The following SMG5 variants were observed in gnomAD, a reference collection of about 807,000 sequenced individuals.
The protein encoded by SMG5 is SMG5 nonsense mediated mRNA decay factor.
A neutral mutation model predicts 122.9 loss-of-function variants in SMG5; 53 were observed. The observed-to-expected ratio is 0.43, with a 90% CI of 0.35 to 0.54. The LOEUF is 0.54. Ranked by LOEUF, SMG5 falls within the 20% of genes least tolerant of loss-of-function variation. SMG5 has a pLI of 0.01. For synonymous variants in SMG5, 477 were observed against 490.2 expected (o/e 0.97, Z 0.35); for missense variants, 1,153 against 1,285.6 (o/e 0.90, Z 1.58).
chr1:156,269,996 C>T (rs1662334833), intron 7 of SMG5, among the ~76,000 whole-genome samples: 2 of 152,194 alleles, frequency 1.3e-5, no homozygotes, highest in Admixed American at 6.5e-5. Flanking sequence ...GCCGAGATCG[C>T]GCCATTGCAC....
At position 156,261,371 on chromosome 1, in the gene SMG5, A is replaced by G; in HGVS notation, c.2069T>C (p.Leu690Pro). ...QSLWNRLSVL[L>P]NLLPAAGELQ... ...TTCACCAGCAGCAGGCAACAGATTC[A>G]GCAACACAGACAGGCGGTTCCACAG... Residue 690 changes from leucine to proline, a missense_variant, in exon 14 of 22, where the codon CTG becomes CCG. Leu to Pro is a moderately conservative substitution (Grantham distance 98). Around this residue, in one of 5 missense-constraint regions of SMG5, gnomAD observed 631 missense variants for 650.6 expected, o/e 0.97. Transcript: ENST00000361813. The G allele has an allele frequency of 6.2e-7, 1 of 1,614,206 alleles. No individual in the cohort carries two copies.
Position 156,252,889 on chromosome 1 carries a change from T to C in SMG5, c.2662+30A>G, listed in dbSNP as rs770112101. ...AGCCCAGAATCTCTTTTAGTCATAC[T>C]CTGTCTCCTTACCTCTCCAATGTAC... On this transcript the variant is annotated intron_variant, in intron 18 of 21. Transcript: ENST00000361813. 5.9e-6 allele frequency: 9 copies of C among 1,522,624 alleles called. No individual in the cohort carries two copies. In the South Asian group the frequency reaches 1.0e-4, roughly 17 times the overall value. 94.3% of individuals were successfully genotyped at this position (1,522,624 alleles called of 1,614,324 possible). A position where few individuals can be genotyped will look rare whatever the true frequency, so the allele number is the denominator to read the frequency against.
intron 15 of SMG5, among the ~76,000 whole-genome samples, chr1:156,259,957 T>C (rs1267978069): frequency 6.6e-6 from 1 of 152,202 alleles, no homozygotes; most frequent in Non-Finnish European, 1.5e-5. Flanking sequence ...GGTTTATGTA[T>C]GTCAGGACTG....
chr1:156,266,319 A>T lies in SMG5; in HGVS notation c.1317T>A (p.Pro439=). 6.2e-7 allele frequency: 1 copy of T among 1,614,184 alleles called. No individual in the cohort carries two copies. The highest frequency in any genetic ancestry group is 1.1e-5 in the South Asian group (1 of 91,080). ...KEEEPDPEPP[P]VTPQVGEGRK... is the part of the protein sequence containing the mutation. ...TGCCCTCACCCACTTGGGGTGTTACAGGAGGAGGCTCAGGATCTGGCTCCT... is the reference window on the plus strand; with the variant it reads ...TGCCCTCACCCACTTGGGGTGTTACTGGAGGAGGCTCAGGATCTGGCTCCT... Residue 439 remains proline, a synonymous_variant, in exon 12 of 22, where the codon CCT becomes CCA. Coordinates refer to ENST00000361813, the MANE Select transcript of SMG5 (RefSeq NM_015327.3).
chr1:156,286,702 G>C (rs573589114), upstream of SMG5, among the ~76,000 whole-genome samples: 204 of 152,354 alleles, frequency 1.3e-3, 9 homozygotes, highest in South Asian at 0.042. Flanking sequence ...AAGGCTTTCA[G>C]GTGTCATCTA....
chr1:156,260,764 G>A (rs781085660), intron 14 of SMG5, 138 bp from the exon 15 acceptor site: 298 of 715,014 alleles, frequency 4.2e-4, no homozygotes, highest in Non-Finnish European at 5.5e-4. Flanking sequence ...CGGAGAGATG[G>A]AGGGAGTGAA....
intron 1 of SMG5, among the ~76,000 whole-genome samples, 153 bp from the exon 2 acceptor site, chr1:156,279,187 C>G (rs1450302003): frequency 6.6e-6 from 1 of 152,136 alleles, no homozygotes; most frequent in Non-Finnish European, 1.5e-5. Context: ...ACAAGATGAA[C>G]ACAGTCTCCA....
chr1:156,291,410 G>GCCCA, the SMG5 span: 2 of 1,613,966 alleles, frequency 1.2e-6, no homozygotes, highest in South Asian at 2.2e-5. Flanking sequence ...GACCTTTGCC[G>GCCCA]TGGGCCGCTC....
At chr1:156,262,384 G>A (rs1661889601) in intron 13 of SMG5, among the ~76,000 whole-genome samples, 1 of 150,946 alleles carries the variant, frequency 6.6e-6, no homozygotes. Context: ...GCTGAGGTGG[G>A]AGAATGGTAT....
chr1:156,258,057 G>A (rs1025947606), intron 16 of SMG5, among the ~76,000 whole-genome samples: 2 of 152,212 alleles, frequency 1.3e-5, no homozygotes, highest in African/African-American at 4.8e-5. Context: ...GTCATGTCTG[G>A]CACAAAATGG....
At chr1:156,251,299 G>T in intron 20 of SMG5, 104 bp downstream of exon 20, 1 of 1,349,384 alleles carries the variant, frequency 7.4e-7, no homozygotes, top group Non-Finnish European at 1.1e-6. Context: ...CAGGCTACGT[G>T]TGGAGCCTCA....
At chr1:156,278,887 G>T in intron 2 of SMG5, 49 bp downstream of exon 2, 1 of 1,478,648 alleles carries the variant, frequency 6.8e-7, no homozygotes, top group Non-Finnish European at 9.5e-7. Flanking sequence ...TTCTGGTAGA[G>T]ATAGGCAGGG....
rs769972743 is a variant in SMG5 at position 156,249,634 on chromosome 1, G to A, written c.*953C>T. The A allele has an allele frequency of 2.4e-6, 1 of 414,228 alleles. No homozygotes were observed. Among genetic ancestry groups the A allele is most frequent in the South Asian group, 1.8e-5 (1 of 54,438 alleles). The allele number at this position is 414,228 out of a possible 1,614,324, so 25.7% of individuals were successfully genotyped here. A position where few individuals can be genotyped will look rare whatever the true frequency, so the allele number is the denominator to read the frequency against. On this transcript the variant is annotated 3_prime_UTR_variant, in exon 22 of 22. Coordinates refer to ENST00000361813, the MANE Select transcript of SMG5 (RefSeq NM_015327.3). The stretch of plus-strand genomic sequence containing the variant: ...TGCGGAAGGCAAAAGGAGGGACGGG[G>A]GCCTCTGACTGAGCAGCTTCAAGGA...
chr1:156,262,199 A>G (rs1294050622), intron 13 of SMG5, among the ~76,000 whole-genome samples: 3 of 152,132 alleles, frequency 2.0e-5, no homozygotes, highest in African/African-American at 7.2e-5. Flanking sequence ...TGAATGCTTC[A>G]TGAAAGAAGA....
intron 7 of SMG5, among the ~76,000 whole-genome samples, chr1:156,270,470 A>G (rs1284396295): frequency 6.6e-6 from 1 of 152,232 alleles, no homozygotes; most frequent in Non-Finnish European, 1.5e-5. Flanking sequence ...ACCAATGACT[A>G]ACCCTAAACA....
chr1:156,254,588 C>T lies in SMG5; in HGVS notation c.2443-1080G>A, dbSNP rs949772122. 2.6e-5 allele frequency among the ~76,000 whole-genome samples: 4 copies of T among 152,260 alleles called. No homozygotes were observed. The East Asian group carries it at 7.8e-4, about 30-fold the overall frequency. On this transcript the variant is annotated intron_variant, in intron 16 of 21. Transcript: ENST00000361813. ...CCCCCCAACTAGCTGGGACTACAGG[C>T]ACATGCCACCATGCCTGGCTAATTT...
Position 156,265,905 on chromosome 1 carries a change from A to C in SMG5, c.1731T>G (p.Thr577=), listed in dbSNP as rs1558238570. 6.2e-7 allele frequency: 1 copy of C among 1,614,204 alleles called. No individual in the cohort carries two copies. Among genetic ancestry groups the C allele is most frequent in the Non-Finnish European group, 8.5e-7 (1 of 1,180,034 alleles). Reference sequence around the variant, plus strand: ...TGGGGGCCAGTCGGAAGCAGCGCTTAGTCTGGAACATCTGGGTGGACATGG... The same window carrying C: ...TGGGGGCCAGTCGGAAGCAGCGCTTCGTCTGGAACATCTGGGTGGACATGG... ...LQAMSTQMFQ[T]KRCFRLAPTF... is the part of the protein sequence containing the mutation. Residue 577 remains threonine (T), a synonymous_variant, in exon 12 of 22, where the codon ACT becomes ACG. Transcript: ENST00000361813.
intron 5 of SMG5, among the ~76,000 whole-genome samples, chr1:156,273,739 T>TA (rs1553295169): frequency 9.8e-5 from 13 of 132,572 alleles, no homozygotes; most frequent in African/African-American, 2.3e-4. Context: ...TTTTTTTTTT[T>TA]AGAGACGGGG....
At chr1:156,268,813 A>G (rs1360569435) in intron 7 of SMG5, among the ~76,000 whole-genome samples, 1 of 152,178 alleles carries the variant, frequency 6.6e-6, no homozygotes, top group Non-Finnish European at 1.5e-5. Flanking sequence ...AATCCTCCCA[A>G]CATGCAAACA....
Sources: allele counts gnomAD v4.1 joint callset (sites outside exome capture counted in the v4.1 genomes callset), GRCh38; gene constraint gnomAD v4.1.1; regional missense constraint gnomAD v4.1.1; transcripts MANE v1.5; gene names NCBI Gene and HGNC (gene_info 2026-07-23, HGNC 2026-07-21).